The following USP15 variants were observed in gnomAD, a reference collection of about 807,000 sequenced individuals.
USP15 encodes ubiquitin carboxyl-terminal hydrolase 15.
A neutral mutation model predicts 127.1 loss-of-function variants in USP15; 18 were observed. The ratio of observed to expected loss-of-function variants is 0.14; its 90% CI spans 0.10 to 0.21. The LOEUF (loss-of-function observed/expected upper bound fraction) is 0.21, where lower values mean the gene tolerates loss of function less well. Among genes scored for constraint, USP15 ranks in the 10% least tolerant of loss-of-function variants. USP15 has a pLI of 1.00. For synonymous variants in USP15, 364 were observed against 393.7 expected (o/e 0.92, Z 0.89); for missense variants, 805 against 1,159.9 (o/e 0.69, Z 4.44).
At chr12:62,345,064 G>C (rs1024166679) in intron 6 of USP15, among the ~76,000 whole-genome samples, 9 of 152,032 alleles carry the variant, frequency 5.9e-5, no homozygotes, top group South Asian at 2.1e-4. Flanking sequence ...TTGGCTGCTC[G>C]GTACTTTTGC....
chr12:62,291,271 ATTC>A (rs1351241645), intron 1 of USP15, among the ~76,000 whole-genome samples: 2 of 152,122 alleles, frequency 1.3e-5, no homozygotes, highest in African/African-American at 4.8e-5. Context: ...CATCTTTAAC[ATTC>A]TTTTTTCTTT....
At chr12:62,402,532 A>G (rs904433592) in intron 21 of USP15, among the ~76,000 whole-genome samples, 10 of 152,064 alleles carry the variant, frequency 6.6e-5, no homozygotes, top group African/African-American at 1.9e-4. Flanking sequence ...AAATAAGAGT[A>G]AATTAAACAA....
intron 8 of USP15, among the ~76,000 whole-genome samples, chr12:62,360,257 A>G (rs1394158840): frequency 1.3e-5 from 2 of 152,108 alleles, no homozygotes; most frequent in African/African-American, 4.8e-5. Flanking sequence ...AATGATACTA[A>G]TCAAAGACTT....
chr12:62,312,465 T>C (rs933119428), intron 3 of USP15, among the ~76,000 whole-genome samples: 4 of 151,738 alleles, frequency 2.6e-5, no homozygotes, highest in South Asian at 2.1e-4. Flanking sequence ...TGTAAACTTA[T>C]ATGTAGCTCA....
chr12:62,387,664 G>T (rs902862117), intron 11 of USP15, among the ~76,000 whole-genome samples: 1 of 152,136 alleles, frequency 6.6e-6, no homozygotes, highest in Non-Finnish European at 1.5e-5. Context: ...AGACAAGCCA[G>T]CAAGAGGGTT....
chr12:62,271,528 T>C (rs2063344844), intron 1 of USP15, among the ~76,000 whole-genome samples: 1 of 152,034 alleles, frequency 6.6e-6, no homozygotes, highest in Non-Finnish European at 1.5e-5. Context: ...CTTTTTATTT[T>C]GAGGAAGTCC....
intron 2 of USP15, among the ~76,000 whole-genome samples, chr12:62,294,954 C>G (rs1224834106): frequency 6.6e-6 from 1 of 152,160 alleles, no homozygotes; most frequent in African/African-American, 2.4e-5. Context: ...CCTCCAACTG[C>G]CTTCAGTTTA....
intron 8 of USP15, among the ~76,000 whole-genome samples, chr12:62,358,085 CTTAAA>C (rs1287517747): frequency 1.3e-5 from 2 of 151,792 alleles, no homozygotes; most frequent in African/African-American, 4.8e-5. Flanking sequence ...AATGTAACCT[CTTAAA>C]TTAATTCAGT....
intron 3 of USP15, among the ~76,000 whole-genome samples, chr12:62,311,342 T>C (rs1027830908): frequency 1.3e-5 from 2 of 151,828 alleles, no homozygotes; most frequent in Non-Finnish European, 3.0e-5. Flanking sequence ...GCTGAAGATG[T>C]AGGAGAAGGA....
At chr12:62,360,034 G>A (rs1329140799) in intron 8 of USP15, among the ~76,000 whole-genome samples, 2 of 152,130 alleles carry the variant, frequency 1.3e-5, no homozygotes, top group Non-Finnish European at 2.9e-5. Context: ...AGATTCAAGA[G>A]CACTTCAACC....
intron 1 of USP15, among the ~76,000 whole-genome samples, chr12:62,279,784 A>C (rs1262521902): frequency 2.0e-5 from 3 of 152,194 alleles, no homozygotes; most frequent in Non-Finnish European, 4.4e-5. Flanking sequence ...ATAGAGCTGT[A>C]ATTGATTTTT....
At chr12:62,389,356 A>G (rs1262540266) in intron 11 of USP15, 75 bp from the exon 12 acceptor site, 12 of 1,238,732 alleles carry the variant, frequency 9.7e-6, no homozygotes, top group African/African-American at 1.5e-5. Flanking sequence ...TGAGATAGCA[A>G]CCATGAGGTC....
intron 1 of USP15, among the ~76,000 whole-genome samples, chr12:62,269,364 G>A (rs2063286847): frequency 6.6e-6 from 1 of 151,984 alleles, no homozygotes; most frequent in Admixed American, 6.6e-5. Flanking sequence ...ATATGTGTGT[G>A]TGTGTATATA....
At chr12:62,317,801 A>G (rs887055170) in intron 4 of USP15, among the ~76,000 whole-genome samples, 1 of 152,218 alleles carries the variant, frequency 6.6e-6, no homozygotes, top group East Asian at 1.9e-4. Flanking sequence ...GCCATAGGCC[A>G]TATCTAAATG....
chr12:62,378,412 G>T (rs933882703), intron 8 of USP15, among the ~76,000 whole-genome samples: 1 of 152,128 alleles, frequency 6.6e-6, no homozygotes, highest in Non-Finnish European at 1.5e-5. Context: ...AGTGTAGCTT[G>T]TTAGAATATA....
intron 7 of USP15, among the ~76,000 whole-genome samples, chr12:62,352,315 T>C (rs536706295): frequency 7.2e-4 from 109 of 152,052 alleles, no homozygotes; most frequent in Non-Finnish European, 1.3e-3. Flanking sequence ...TACTGTAATA[T>C]AGTTTGTTTA....
At chr12:62,310,104 A>C (rs1180241032) in intron 3 of USP15, among the ~76,000 whole-genome samples, 1 of 152,016 alleles carries the variant, frequency 6.6e-6, no homozygotes, top group East Asian at 1.9e-4. Context: ...AGGTAAATTT[A>C]ACAGGTTGCC....
rs1311853570 is a variant in USP15, at chr12:62,404,307, G to C, written c.2878G>C (p.Glu960Gln). 6.8e-6 allele frequency: 11 copies of C among 1,613,070 alleles called. No individual in the cohort carries two copies. The highest frequency in any genetic ancestry group is 9.3e-6 in the Non-Finnish European group (11 of 1,179,298). The part of the protein sequence containing the change: ...GASAATGIPL[E>Q]SDEDSNDNDN... ...TTCAGCTGCCACTGGCATCCCATTA[G>C]AAAGTGATGAAGATAGCAATGATAA... Residue 960 changes from glutamate to glutamine, a missense_variant, in exon 22 of 22, where the codon GAA becomes CAA. Glu to Gln is a conservative substitution (Grantham distance 29). Around this residue, in one of 11 missense-constraint regions of USP15, gnomAD observed 116 missense variants for 157.2 expected, o/e 0.74. Coordinates refer to ENST00000280377, the MANE Select transcript of USP15 (RefSeq NM_001252078.2).
chr12:62,383,943 G>A lies in USP15; in HGVS notation c.1193G>A (p.Arg398Lys). The stretch of plus-strand genomic sequence containing the variant: ...GATGGATTACATGAGGATTTGAATA[G>A]AATTAGGAAAAAACCATATATACAA... ...LLDGLHEDLNRIRKKPYIQLK... is the reference protein window; with the variant it reads ...LLDGLHEDLNKIRKKPYIQLK... The change falls in exon 10 of 22, where the codon AGA (arginine) becomes AAA (lysine). Residue 398 changes from arginine to lysine, a missense_variant. This residue lies in a region of USP15 where 84 missense variants were observed against 210.3 expected (regional missense o/e 0.40). Transcript: ENST00000280377. 6.2e-7 allele frequency: 1 copy of A among 1,612,674 alleles called. No individual in the cohort carries two copies.
Sources: allele counts gnomAD v4.1 joint callset (sites outside exome capture counted in the v4.1 genomes callset), GRCh38; gene constraint gnomAD v4.1.1; regional missense constraint gnomAD v4.1.1; transcripts MANE v1.5; gene names NCBI Gene and HGNC (gene_info 2026-07-23, HGNC 2026-07-21).